Variants in FCHSD1 observed in about 807,000 individuals in gnomAD.
The protein encoded by FCHSD1 is FCH and double SH3 domains 1.
A neutral mutation model predicts 101.3 loss-of-function variants in FCHSD1; 109 were observed. The ratio of observed to expected loss-of-function variants is 1.08; its 90% CI spans 0.92 to 1.26. The LOEUF (loss-of-function observed/expected upper bound fraction) is 1.26, where lower values mean the gene tolerates loss of function less well. Among genes scored for constraint, FCHSD1 ranks in the 50% most tolerant of loss-of-function variants. FCHSD1 has a pLI of 0.00. For missense variants in FCHSD1, 820 were observed against 895.8 expected (o/e 0.92, Z 1.08); for synonymous variants, 291 against 356.8 (o/e 0.82, Z 2.08).
Position 141,644,839 on chromosome 5 carries a change from G to A in FCHSD1, c.1524+20C>T, listed in dbSNP as rs1435954782. On this transcript the variant is annotated intron_variant, in intron 15 of 19. Coordinates refer to ENST00000435817, the MANE Select transcript of FCHSD1 (RefSeq NM_033449.3). ...CTACTGCCCCCAACCCAAGGTCAGA[G>A]CCCGGGGTCCCATACCCACCTTGAC... The A allele has an allele frequency of 1.4e-5, 22 of 1,611,654 alleles. No homozygotes were observed. The highest frequency in any genetic ancestry group is 1.7e-5 in the Admixed American group (1 of 59,732).
chr5:141,643,763 G>A (rs367937902), intron 17 of FCHSD1, among the ~76,000 whole-genome samples: 5 of 151,238 alleles, frequency 3.3e-5, no homozygotes, highest in Non-Finnish European at 7.4e-5. Context: ...CAGGAGAATC[G>A]TTTGAACCCG....
intron 18 of FCHSD1, chr5:141,641,973 T>G (rs954113031): frequency 1.7e-6 from 1 of 602,618 alleles, no homozygotes. Context: ...GGAGATAGGA[T>G]GCATAGTGCT....
In FCHSD1 at chr5:141,649,507, C is replaced by A. The variant is rs1463853474; in HGVS notation, c.263G>T (p.Cys88Phe). 6.2e-6 allele frequency: 10 copies of A among 1,613,350 alleles called. No homozygotes were observed. Among genetic ancestry groups the A allele is most frequent in the Non-Finnish European group, 8.5e-6 (10 of 1,179,848 alleles). Residue 88 changes from cysteine (C) to phenylalanine (F), a missense_variant, in exon 5 of 20, where the codon TGC becomes TTC. Transcript: ENST00000435817. The surrounding 1 kb of genome is among the most constrained non-coding windows in gnomAD (Gnocchi z 4.1). ...RGRTVFGAWR[C>F]LLDATVAGGQ... ...CCCAGCCACGGTGGCATCCAGCAGG[C>A]AGCGCCAGGCACCGAACACTGTCCT...
In FCHSD1 at chr5:141,646,186, C is replaced by CAGT; in HGVS notation, c.1047_1049dup (p.Leu350dup). The CAGT allele has an allele frequency of 1.2e-6, 2 of 1,603,074 alleles. No individual in the cohort carries two copies. Among genetic ancestry groups the CAGT allele is most frequent in the Non-Finnish European group, 1.7e-6 (2 of 1,175,060 alleles). On this transcript the variant is annotated inframe_insertion, in exon 12 of 20. Transcript: ENST00000435817. ...GCTGCCGCCTCTGCTCCAGTCGTTG[C>CAGT]AGTACCTGGTTGGGAAGGCAGAGAA...
chr5:141,641,065 C>T lies in FCHSD1; in HGVS notation c.*433G>A, dbSNP rs2099906835. 6.4e-6 allele frequency: 2 copies of T among 314,600 alleles called. No individual in the cohort carries two copies. Among genetic ancestry groups the T allele is most frequent in the Non-Finnish European group, 1.2e-5 (2 of 171,382 alleles). 19.5% of individuals were successfully genotyped at this position (314,600 alleles called of 1,614,324 possible). A position where few individuals can be genotyped will look rare whatever the true frequency, so the allele number is the denominator to read the frequency against. ...GTCAATAAATCCGCTCAGACCATTA[C>T]AGCTGCTTCGCATCCTGGCTCCAGC... On this transcript the variant is annotated 3_prime_UTR_variant, in exon 20 of 20. Transcript: ENST00000435817.
At chr5:141,647,260 A>G (rs1181834505) in intron 9 of FCHSD1, 30 bp from the exon 10 acceptor site, 1 of 1,587,134 alleles carries the variant, frequency 6.3e-7, no homozygotes, top group African/African-American at 1.3e-5. Flanking sequence ...AAAGTCACTC[A>G]TTCACTGACT....
rs199960419 is a variant in FCHSD1, at chr5:141,643,115, T to G, written c.1864-27A>C. The G allele has an allele frequency of 7.5e-5, 106 of 1,417,238 alleles. No homozygotes were observed. In the African/African-American group the frequency reaches 1.5e-3, roughly 20 times the overall value. 87.8% of individuals were successfully genotyped at this position (1,417,238 alleles called of 1,614,324 possible). A position where few individuals can be genotyped will look rare whatever the true frequency, so the allele number is the denominator to read the frequency against. On this transcript the variant is annotated intron_variant, in intron 17 of 19. Coordinates refer to ENST00000435817, the MANE Select transcript of FCHSD1 (RefSeq NM_033449.3). ...TGGAGGTGGGGTGGGCACAGAGTTA[T>G]TCCTGGCATGTGGGGAGGTTTTACC...
chr5:141,650,332 G>C, intron 3 of FCHSD1, 27 bp downstream of exon 3: 1 of 1,613,642 alleles, frequency 6.2e-7, no homozygotes, highest in South Asian at 1.1e-5. Context: ...TGGAACAAGA[G>C]GTAAGGTCCA....
Position 141,651,135 on chromosome 5 carries a change from G to A in FCHSD1, c.22-18C>T, listed in dbSNP as rs202070935. 2.0e-5 allele frequency: 32 copies of A among 1,570,564 alleles called. No individual in the cohort carries two copies. In the Middle Eastern group the frequency reaches 8.3e-4, roughly 41 times the overall value. On this transcript the variant is annotated intron_variant, in intron 1 of 19. Transcript: ENST00000435817. ...GGCTTCACCTGTGGGGGCAAAGAGAGGATGAAGACCCCAGCGCAAGGACCT... is the reference window on the plus strand; with the variant it reads ...GGCTTCACCTGTGGGGGCAAAGAGAAGATGAAGACCCCAGCGCAAGGACCT...
chr5:141,651,009 G>T lies in FCHSD1; in HGVS notation c.119+11C>A. 1 of 1,572,858 alleles carries T rather than the reference G, an allele frequency of 6.4e-7. No homozygotes were observed. The highest frequency in any genetic ancestry group is 8.6e-7 in the Non-Finnish European group (1 of 1,157,332). On this transcript the variant is annotated intron_variant, in intron 2 of 19. Coordinates refer to ENST00000435817, the MANE Select transcript of FCHSD1 (RefSeq NM_033449.3). ...AAGGTGAGTGTAAATGAAGGGGGTT[G>T]GGGGAGCTACCTGATGTCCTCCAGC... is the stretch of plus-strand genomic sequence containing the variant.
At chr5:141,643,589 C>A (rs2099907255) in intron 17 of FCHSD1, among the ~76,000 whole-genome samples, 4 of 152,204 alleles carry the variant, frequency 2.6e-5, no homozygotes. Context: ...GTGGCTCATG[C>A]CTATAATCCC....
At chr5:141,648,884 A>C in intron 7 of FCHSD1, 73 bp downstream of exon 7, 1 of 1,545,494 alleles carries the variant, frequency 6.5e-7, no homozygotes, top group Non-Finnish European at 8.9e-7. Flanking sequence ...ATACATATGC[A>C]CCTATGTTCC....
chr5:141,646,062 C>A, intron 12 of FCHSD1, 25 bp downstream of exon 12: 1 of 1,592,240 alleles, frequency 6.3e-7, no homozygotes. Context: ...AAGGTGGGAT[C>A]TCTAACCTCA....
intron 2 of FCHSD1, 53 bp from the exon 3 acceptor site, chr5:141,650,457 C>A (rs1472019639): frequency 1.7e-5 from 28 of 1,612,548 alleles, no homozygotes; most frequent in Non-Finnish European, 2.2e-5. Context: ...ATGTTTGGTC[C>A]TGTTCTCCCA....
At chr5:141,648,933 C>T (rs374908641) in intron 7 of FCHSD1, 24 bp downstream of exon 7, 49 of 1,613,714 alleles carry the variant, frequency 3.0e-5, no homozygotes, top group Middle Eastern at 3.3e-4. Flanking sequence ...TCCCTGCCCC[C>T]ACTCATGCCC....
chr5:141,642,608 CA>C, intron 18 of FCHSD1: 1 of 544,964 alleles, frequency 1.8e-6, no homozygotes, highest in Non-Finnish European at 3.2e-6. Context: ...ACACTAGGAG[CA>C]AAAGGTGCAT....
intron 12 of FCHSD1, 30 bp from the exon 13 acceptor site, chr5:141,645,962 A>G (rs2099907605): frequency 4.5e-6 from 7 of 1,549,690 alleles, no homozygotes; most frequent in South Asian, 3.6e-5. Flanking sequence ...AGTTAGTGGA[A>G]CCTGGCTGAC....
chr5:141,643,749 G>A (rs2099907286), intron 17 of FCHSD1, among the ~76,000 whole-genome samples: 1 of 151,712 alleles, frequency 6.6e-6, no homozygotes, highest in East Asian at 1.9e-4. Flanking sequence ...TCGAGGGGCT[G>A]ATACAGGAGA....
At chr5:141,645,244 T>A in intron 13 of FCHSD1, 96 bp from the exon 14 acceptor site, 1 of 1,491,536 alleles carries the variant, frequency 6.7e-7, no homozygotes, top group South Asian at 1.4e-5. Flanking sequence ...ACACCATGGA[T>A]CCTCCAAGGC....
Sources: allele counts gnomAD v4.1 joint callset (sites outside exome capture counted in the v4.1 genomes callset), GRCh38; gene constraint gnomAD v4.1.1; non-coding constraint Gnocchi (gnomAD v3.1); transcripts MANE v1.5; gene names NCBI Gene and HGNC (gene_info 2026-07-23, HGNC 2026-07-21).